UBR2: variants seen among roughly 807,000 people sequenced by gnomAD.
UBR2 encodes the protein ubiquitin protein ligase E3 component n-recognin 2, also known as E3 ubiquitin-protein ligase UBR2.
UBR2 carries 92 observed loss-of-function variants against 247.9 expected under a neutral mutation model. The observed-to-expected ratio is 0.37, with a 90% CI of 0.31 to 0.44. UBR2 has a LOEUF of 0.44. UBR2 is among the 20% of genes least tolerant of loss of function. The pLI is 1.00. For missense variants in UBR2, 1,613 were observed against 2,112.6 expected, an observed-to-expected ratio of 0.76 and a Z score of 4.64; for synonymous variants, 672 against 693.5, an observed-to-expected ratio of 0.97 and a Z score of 0.49.
At position 42,591,501 on chromosome 6, in the gene UBR2, A is replaced by G. The variant is rs143606594; in HGVS notation, c.339-650A>G. Among the ~76,000 whole-genome samples the G allele has an allele frequency of 4.5e-3, 689 of 152,262 alleles. 3 individuals are homozygous for G. The highest frequency in any genetic ancestry group is 0.014 in the African/African-American group (568 of 41,554). ...GAAAGCAAATGAAACAACTCAGGGCACCCCAACCAACCTTTTGAAACTCTT... is the reference window on the plus strand; with the variant it reads ...GAAAGCAAATGAAACAACTCAGGGCGCCCCAACCAACCTTTTGAAACTCTT... On this transcript the variant is annotated intron_variant, in intron 2 of 46. Transcript: ENST00000372901.
intron 42 of UBR2, among the ~76,000 whole-genome samples, chr6:42,680,946 G>C (rs1413967088): frequency 6.6e-6 from 1 of 152,082 alleles, no homozygotes; most frequent in African/African-American, 2.4e-5. Flanking sequence ...GGCGGATCAC[G>C]AGGTCAGGAG....
In UBR2 at chr6:42,689,355, T is replaced by C. The variant is rs1316806225; in HGVS notation, c.5025-214T>C. 1.3e-5 allele frequency among the ~76,000 whole-genome samples: 2 copies of C among 152,188 alleles called. No individual in the cohort carries two copies. The highest frequency in any genetic ancestry group is 2.9e-5 in the Non-Finnish European group (2 of 68,046). On this transcript the variant is annotated intron_variant, in intron 45 of 46. Transcript: ENST00000372901. This position sits in a 1 kb window ranked among gnomAD's most constrained non-coding sequence, Gnocchi z 4.0. ...CTGTTTAATTGTGCTGTACTATTAA[T>C]GCCAGAAAAAGGCAAATGTCTCAAA... is the stretch of plus-strand genomic sequence containing the variant.
chr6:42,604,634 G>A (rs185171605), intron 5 of UBR2, among the ~76,000 whole-genome samples: 6 of 152,012 alleles, frequency 3.9e-5, no homozygotes, highest in East Asian at 3.9e-4. Flanking sequence ...CTCTTGCCCC[G>A]TACAATTCAT....
chr6:42,656,814 A>T (rs79147256), intron 26 of UBR2, among the ~76,000 whole-genome samples: 2 of 152,016 alleles, frequency 1.3e-5, no homozygotes, highest in African/African-American at 4.8e-5. Context: ...GTTTTTACCT[A>T]TTCTTTTTCT....
At chr6:42,666,952 T>G (rs773380124) in intron 34 of UBR2, among the ~76,000 whole-genome samples, 18 of 152,150 alleles carry the variant, frequency 1.2e-4, no homozygotes, top group Non-Finnish European at 2.1e-4. Context: ...TGAGGATAAT[T>G]CATAGGTGTT....
chr6:42,571,736 C>CAAAAAA lies in UBR2; in HGVS notation c.79-1983_79-1978dup, dbSNP rs55993422. Among the ~76,000 whole-genome samples the CAAAAAA allele has an allele frequency of 3.7e-5, 3 of 82,130 alleles. 1 individual carries two copies. Among genetic ancestry groups the CAAAAAA allele is most frequent in the African/African-American group, 9.5e-5 (2 of 21,128 alleles). The allele number at this position is 82,130 out of a possible 152,430, so 53.9% of individuals were successfully genotyped here. ...CCAGCCTGGGCGACAGCACGAGACT[C>CAAAAAA]AAAAAAAAAAAAAAAAAAAAGCGCT... On this transcript the variant is annotated intron_variant, in intron 1 of 46. Coordinates refer to ENST00000372901, the MANE Select transcript of UBR2 (RefSeq NM_001363705.2).
chr6:42,622,418 T>TTTTTTTTTTTTTTTTC (rs1795048593), intron 11 of UBR2, among the ~76,000 whole-genome samples: 2 of 151,458 alleles, frequency 1.3e-5, no homozygotes, highest in Admixed American at 1.3e-4. Flanking sequence ...TTTTTTTTTT[T>TTTTTTTTTTTTTTTTC]TGAGACAGAA....
chr6:42,668,856 T>A (rs1029036972), intron 34 of UBR2, among the ~76,000 whole-genome samples: 2 of 152,298 alleles, frequency 1.3e-5, no homozygotes, highest in South Asian at 2.1e-4. Context: ...ATTACAAGTG[T>A]GAGCCACCAT....
At chr6:42,629,533 T>C (rs1053862084) in intron 11 of UBR2, among the ~76,000 whole-genome samples, 4 of 152,048 alleles carry the variant, frequency 2.6e-5, no homozygotes, top group African/African-American at 9.7e-5. Flanking sequence ...GGCACACACC[T>C]GTAATCCTAG....
intron 34 of UBR2, 105 bp from the exon 35 acceptor site, chr6:42,669,987 G>C (rs916710390): frequency 1.3e-5 from 17 of 1,336,030 alleles, no homozygotes; most frequent in Non-Finnish European, 1.6e-5. Context: ...CTGGATATAT[G>C]TTAAGTGGTT....
intron 11 of UBR2, among the ~76,000 whole-genome samples, chr6:42,630,084 T>C (rs1160938090): frequency 6.6e-6 from 1 of 151,844 alleles, no homozygotes; most frequent in Non-Finnish European, 1.5e-5. Context: ...AATGGGACAT[T>C]AGTAATGAAC....
chr6:42,579,988 A>G (rs146743493), intron 2 of UBR2, among the ~76,000 whole-genome samples: 279 of 152,260 alleles, frequency 1.8e-3, no homozygotes, highest in African/African-American at 6.4e-3. Flanking sequence ...TAGTAAGGAC[A>G]GGCCATAGTT....
chr6:42,624,011 G>A (rs1245839306), intron 11 of UBR2, among the ~76,000 whole-genome samples: 2 of 151,970 alleles, frequency 1.3e-5, no homozygotes, highest in African/African-American at 4.8e-5. Flanking sequence ...TTCTTTCCTT[G>A]TTATAGCCTT....
At chr6:42,572,807 G>A (rs115303588) in intron 1 of UBR2, among the ~76,000 whole-genome samples, 255 of 151,840 alleles carry the variant, frequency 1.7e-3, no homozygotes, top group African/African-American at 5.3e-3. Flanking sequence ...GGGTTTAAGC[G>A]ATTTCTCCTG....
intron 3 of UBR2, among the ~76,000 whole-genome samples, chr6:42,592,735 G>A (rs1388737295): frequency 6.6e-6 from 1 of 152,166 alleles, no homozygotes; most frequent in East Asian, 1.9e-4. Context: ...AGGGTTGTTA[G>A]ATGGAACTTT....
At chr6:42,592,591 C>T (rs528545657) in intron 3 of UBR2, among the ~76,000 whole-genome samples, 1 of 152,284 alleles carries the variant, frequency 6.6e-6, no homozygotes, top group South Asian at 2.1e-4. Context: ...TGCTGTAATG[C>T]TGTCAGTACT....
At chr6:42,676,655 G>T in intron 39 of UBR2, 128 bp from the exon 40 acceptor site, 1 of 732,970 alleles carries the variant, frequency 1.4e-6, no homozygotes, top group Non-Finnish European at 2.3e-6. Context: ...TTACAATTTT[G>T]CATGTTTTCT....
chr6:42,603,744 T>C (rs1793530555), intron 5 of UBR2, 26 bp downstream of exon 5: 4 of 1,570,542 alleles, frequency 2.5e-6, no homozygotes, highest in Non-Finnish European at 3.4e-6. Context: ...TTATTCTTCA[T>C]GTATGAAGAA....
chr6:42,688,887 C>A (rs911851030), intron 45 of UBR2, among the ~76,000 whole-genome samples: 18 of 151,854 alleles, frequency 1.2e-4, no homozygotes, highest in Non-Finnish European at 1.5e-4. Flanking sequence ...GCAAGACTGA[C>A]AAGAATTTAG....
Sources: gnomAD v4.1 joint callset for allele counts (sites outside exome capture counted in the v4.1 genomes callset) on GRCh38, gnomAD v4.1.1 for gene constraint, Gnocchi (gnomAD v3.1) non-coding constraint, MANE v1.5 for transcripts, NCBI Gene and HGNC (gene_info 2026-07-23, HGNC 2026-07-21) for gene names.